The following ERC2 variants were observed in gnomAD, a reference collection of about 807,000 sequenced individuals.
ERC2 encodes ELKS/RAB6-interacting/CAST family member 2, also known as ERC protein 2.
In ERC2, 42 loss-of-function variants were observed where a neutral mutation model predicts 114.8. The observed-to-expected ratio is 0.37, with a 90% confidence interval of 0.29 to 0.47. The LOEUF (loss-of-function observed/expected upper bound fraction) is 0.47, where lower values mean the gene tolerates loss of function less well. Among genes scored for constraint, ERC2 ranks in the 20% least tolerant of loss-of-function variants. The pLI is 0.99. For synonymous variants in ERC2, 454 were observed against 425.5 expected (o/e 1.07, Z -0.82); for missense variants, 939 against 1,150.7 (o/e 0.82, Z 2.66).
intron 17 of ERC2, among the ~76,000 whole-genome samples, chr3:55,561,619 T>G (rs1451265518): frequency 6.6e-6 from 1 of 152,172 alleles, no homozygotes; most frequent in Non-Finnish European, 1.5e-5. Flanking sequence ...GGCATTTTTG[T>G]GTATCTATTT....
intron 13 of ERC2, among the ~76,000 whole-genome samples, chr3:55,895,232 A>C (rs1480768638): frequency 6.6e-6 from 1 of 152,230 alleles, no homozygotes; most frequent in Admixed American, 6.5e-5. Flanking sequence ...GGAAGCTTTT[A>C]AAAATGTTGA....
intron 4 of ERC2, among the ~76,000 whole-genome samples, chr3:56,154,132 C>T (rs2081571139): frequency 6.6e-6 from 1 of 152,128 alleles, no homozygotes; most frequent in East Asian, 1.9e-4. Context: ...CTTAGGCTAC[C>T]TGAGTAAGGC....
At position 55,997,314 on chromosome 3, in the gene ERC2, G is replaced by A. The variant is rs371529972; in HGVS notation, c.2062-5064C>T. ...TGATTTCGATTGTGGCATGTTGGTG[G>A]TTTAATGTCCATTGACAGCGCTTTA... On this transcript the variant is annotated intron_variant, in intron 10 of 17. Transcript: ENST00000288221. Among the ~76,000 whole-genome samples the A allele has an allele frequency of 8.5e-5, 13 of 152,128 alleles. No individual in the cohort carries two copies. The South Asian group carries it at 2.7e-3, about 32-fold the overall frequency.
At chr3:56,235,879 T>C (rs1447693490) in intron 3 of ERC2, among the ~76,000 whole-genome samples, 1 of 152,212 alleles carries the variant, frequency 6.6e-6, no homozygotes, top group East Asian at 1.9e-4. Context: ...AGTTCTGCTG[T>C]CAACAATCCC....
chr3:56,245,741 G>A (rs140590999), intron 3 of ERC2, among the ~76,000 whole-genome samples: 14 of 151,730 alleles, frequency 9.2e-5, no homozygotes, highest in African/African-American at 2.9e-4. Flanking sequence ...ATGGGGTTTC[G>A]CCATGTTGGT....
At chr3:56,326,513 TC>T (rs2057369366) in intron 2 of ERC2, among the ~76,000 whole-genome samples, 2 of 152,228 alleles carry the variant, frequency 1.3e-5, no homozygotes, top group South Asian at 4.1e-4. Flanking sequence ...CAGAACCCTC[TC>T]TAAAGCTGTT....
At chr3:56,245,342 T>C (rs1035936777) in intron 3 of ERC2, among the ~76,000 whole-genome samples, 1 of 152,098 alleles carries the variant, frequency 6.6e-6, no homozygotes, top group African/African-American at 2.4e-5. Flanking sequence ...CCTCAAATGT[T>C]TGAACTTGAT....
chr3:55,660,039 T>C (rs2061054786), intron 17 of ERC2, among the ~76,000 whole-genome samples: 1 of 152,146 alleles, frequency 6.6e-6, no homozygotes, highest in Admixed American at 6.6e-5. Context: ...TCTATGAGTA[T>C]GGAACTCACC....
At chr3:56,090,934 C>A (rs897544849) in intron 6 of ERC2, among the ~76,000 whole-genome samples, 8 of 152,100 alleles carry the variant, frequency 5.3e-5, no homozygotes, top group African/African-American at 1.7e-4. Flanking sequence ...AATCTACTTT[C>A]ATTGTAGAAA....
intron 3 of ERC2, among the ~76,000 whole-genome samples, chr3:56,295,605 C>T (rs558301212): frequency 1.3e-5 from 2 of 152,310 alleles, no homozygotes; most frequent in South Asian, 4.1e-4. Context: ...AATCTCATCC[C>T]CAATTCAGTA....
intron 14 of ERC2, among the ~76,000 whole-genome samples, chr3:55,766,197 G>A (rs2067772579): frequency 6.6e-6 from 1 of 150,716 alleles, no homozygotes; most frequent in South Asian, 2.1e-4. Flanking sequence ...GGCAACAGAA[G>A]GAAAGCTGCC....
intron 17 of ERC2, among the ~76,000 whole-genome samples, chr3:55,537,147 C>G (rs1011744289): frequency 2.6e-5 from 4 of 152,196 alleles, no homozygotes; most frequent in African/African-American, 9.7e-5. Context: ...TGGGCTCCAC[C>G]GACACCGGTA....
intron 7 of ERC2, among the ~76,000 whole-genome samples, chr3:56,076,220 A>C (rs1452025537): frequency 6.6e-6 from 1 of 152,110 alleles, no homozygotes; most frequent in Non-Finnish European, 1.5e-5. Context: ...ATAAATTCAC[A>C]TTGTTTATGG....
chr3:55,620,431 G>A (rs1291804674), intron 17 of ERC2, among the ~76,000 whole-genome samples: 1 of 152,092 alleles, frequency 6.6e-6, no homozygotes, highest in African/African-American at 2.4e-5. Flanking sequence ...CAGAAAATGA[G>A]GTGTCTCATC....
At chr3:56,149,507 A>G (rs971389466) in intron 4 of ERC2, among the ~76,000 whole-genome samples, 1 of 152,204 alleles carries the variant, frequency 6.6e-6, no homozygotes, top group African/African-American at 2.4e-5. Context: ...ATATTTTTGA[A>G]TCTACTTATA....
chr3:55,792,475 C>G (rs947941122), intron 14 of ERC2, among the ~76,000 whole-genome samples: 2 of 152,154 alleles, frequency 1.3e-5, no homozygotes, highest in South Asian at 2.1e-4. Flanking sequence ...ATTAAGAGAG[C>G]AGATCACTTC....
intron 14 of ERC2, among the ~76,000 whole-genome samples, chr3:55,765,160 C>G (rs1407868520): frequency 6.6e-6 from 1 of 152,142 alleles, no homozygotes; most frequent in Non-Finnish European, 1.5e-5. Context: ...TATTTTTTGA[C>G]TGAATAAAAC....
intron 12 of ERC2, among the ~76,000 whole-genome samples, chr3:55,969,386 T>TAC (rs1396159978): frequency 4.9e-5 from 5 of 102,480 alleles, no homozygotes; most frequent in Admixed American, 1.2e-4. Flanking sequence ...AGGAATTTTA[T>TAC]ACACATACAC....
intron 15 of ERC2, among the ~76,000 whole-genome samples, chr3:55,721,328 G>A (rs2064535146): frequency 6.6e-6 from 1 of 152,226 alleles, no homozygotes; most frequent in Non-Finnish European, 1.5e-5. Context: ...ACCATTTCTT[G>A]AAGAAGTGTT....
Sources: gnomAD v4.1 joint callset for allele counts (sites outside exome capture counted in the v4.1 genomes callset) on GRCh38, gnomAD v4.1.1 for gene constraint, MANE v1.5 for transcripts, NCBI Gene and HGNC (gene_info 2026-07-23, HGNC 2026-07-21) for gene names.